The following ATOSB variants were observed in gnomAD, a reference collection of about 807,000 sequenced individuals.
ATOSB encodes atos homolog protein B.
At chr9:35,105,013 G>T in the ATOSB span, 1 of 463,116 alleles carries the variant, frequency 2.2e-6, no homozygotes. The surrounding 1 kb of genome is among the most constrained non-coding windows in gnomAD (Gnocchi z 5.5). Flanking sequence ...AAACCCAAGG[G>T]AGGGGACAGG....
At chr9:35,105,421 G>A in the ATOSB span, 5 of 1,571,018 alleles carry the variant, frequency 3.2e-6, no homozygotes, top group Non-Finnish European at 4.3e-6. This position sits in a 1 kb window ranked among gnomAD's most constrained non-coding sequence, Gnocchi z 5.5. Flanking sequence ...GCTGGGTTCA[G>A]TGGCTCATGC....
chr9:35,108,837 C>T, the ATOSB span: 1 of 254,076 alleles, frequency 3.9e-6, no homozygotes, highest in Non-Finnish European at 6.2e-6. Flanking sequence ...CATCCTTCTC[C>T]CATGTGAGAG....
the ATOSB span, among the ~76,000 whole-genome samples, chr9:35,113,156 G>A: frequency 2.6e-5 from 4 of 152,142 alleles, no homozygotes; most frequent in Non-Finnish European, 4.4e-5. Context: ...AAACAGAGAC[G>A]TAGAACACTG....
chr9:35,104,666 G>A, the ATOSB span: 3 of 403,568 alleles, frequency 7.4e-6, no homozygotes, highest in Non-Finnish European at 1.5e-5. Context: ...GACAGGGGAA[G>A]CTGAGTCTTT....
the ATOSB span, chr9:35,105,199 C>A: frequency 6.3e-7 from 1 of 1,597,484 alleles, no homozygotes; most frequent in Admixed American, 1.7e-5. This position sits in a 1 kb window ranked among gnomAD's most constrained non-coding sequence, Gnocchi z 5.5. Context: ...CATTAGCCCG[C>A]ATGGGTTCAG....
chr9:35,107,474 TC>T, the ATOSB span: 1 of 1,610,350 alleles, frequency 6.2e-7, no homozygotes, highest in African/African-American at 1.3e-5. Flanking sequence ...GGCCCAGGGA[TC>T]CCCGGCGCCT....
the ATOSB span, chr9:35,115,542 C>T: frequency 1.4e-3 from 209 of 149,900 alleles, no homozygotes; most frequent in Middle Eastern, 0.01. Context: ...CCTCCATGTC[C>T]CCTGCCCCTC....
the ATOSB span, chr9:35,106,600 G>T: frequency 3.6e-5 from 56 of 1,563,976 alleles, no homozygotes; most frequent in Admixed American, 5.8e-5. This position sits in a 1 kb window ranked among gnomAD's most constrained non-coding sequence, Gnocchi z 4.6. Flanking sequence ...GCACTGGGGG[G>T]GCTCAGCAGG....
chr9:35,109,220 C>CA, the ATOSB span: 1 of 152,364 alleles, frequency 6.6e-6, no homozygotes, highest in African/African-American at 2.4e-5. Context: ...CAGCGGTCCT[C>CA]AGAGGTACAA....
the ATOSB span, chr9:35,106,313 G>A: frequency 8.1e-6 from 13 of 1,614,182 alleles, no homozygotes; most frequent in East Asian, 4.5e-5. This position sits in a 1 kb window ranked among gnomAD's most constrained non-coding sequence, Gnocchi z 4.6. Context: ...GACAGGCAGC[G>A]TGACGTGCTG....
At chr9:35,108,479 A>C in the ATOSB span, 3 of 1,313,072 alleles carry the variant, frequency 2.3e-6, no homozygotes, top group Non-Finnish European at 3.0e-6. Flanking sequence ...ATGTGTACAA[A>C]TCCCTGGATG....
At chr9:35,107,675 G>A in the ATOSB span, 3 of 1,609,066 alleles carry the variant, frequency 1.9e-6, no homozygotes. Flanking sequence ...CAGCCACTGG[G>A]CTCTTACCCC....
At chr9:35,104,614 G>T in the ATOSB span, 2 of 430,874 alleles carry the variant, frequency 4.6e-6, no homozygotes, top group Non-Finnish European at 4.8e-6. Context: ...TTGGCTTTCA[G>T]AGATAGGTCA....
At chr9:35,115,955 C>G in the ATOSB span, 1 of 151,622 alleles carries the variant, frequency 6.6e-6, no homozygotes. Context: ...CTCCCTTGTC[C>G]CACCTTCCAC....
chr9:35,115,414 G>A, the ATOSB span, among the ~76,000 whole-genome samples: 2 of 151,986 alleles, frequency 1.3e-5, no homozygotes, highest in East Asian at 3.9e-4. Flanking sequence ...AAAGTACTGG[G>A]GGTTCTGTTC....
At chr9:35,108,156 C>T in the ATOSB span, 225 of 1,581,008 alleles carry the variant, frequency 1.4e-4, no homozygotes, top group Non-Finnish European at 1.5e-4. Context: ...TGTCGCCCCC[C>T]CTGCTGGGCT....
the ATOSB span, among the ~76,000 whole-genome samples, chr9:35,114,237 G>A: frequency 6.6e-6 from 1 of 152,202 alleles, no homozygotes; most frequent in African/African-American, 2.4e-5. Flanking sequence ...TGAGGAAGCT[G>A]GAGAGTCTGC....
the ATOSB span, chr9:35,106,789 C>T: frequency 3.2e-6 from 5 of 1,548,702 alleles, no homozygotes; most frequent in Middle Eastern, 3.3e-4. The surrounding 1 kb of genome is among the most constrained non-coding windows in gnomAD (Gnocchi z 4.6). Context: ...AGACTTCTGC[C>T]CCCATTCTCA....
the ATOSB span, chr9:35,107,938 C>T: frequency 1.9e-6 from 3 of 1,604,376 alleles, no homozygotes; most frequent in African/African-American, 1.3e-5. Context: ...TGGCTGGCCA[C>T]ACCTAGTCCC....
Sources: gnomAD v4.1 joint callset for allele counts (sites outside exome capture counted in the v4.1 genomes callset) on GRCh38, gnomAD v4.1.1 for gene constraint, Gnocchi (gnomAD v3.1) non-coding constraint, MANE v1.5 for transcripts, NCBI Gene and HGNC (gene_info 2026-07-23, HGNC 2026-07-21) for gene names.